The following TBC1D22A variants were observed in gnomAD, a reference collection of about 807,000 sequenced individuals.
TBC1D22A encodes putative GTPase activator.
Under a neutral mutation model 60.2 loss-of-function variants are expected in TBC1D22A, and 38 were observed. The ratio of observed to expected loss-of-function variants is 0.63; its 90% CI spans 0.49 to 0.83. TBC1D22A has a LOEUF of 0.83. Ranked by LOEUF, TBC1D22A falls within the 40% of genes least tolerant of loss-of-function variation. The pLI is 0.00. For missense variants in TBC1D22A, 628 were observed against 701.0 expected (o/e 0.90, Z 1.18); for synonymous variants, 302 against 281.7 (o/e 1.07, Z -0.72).
At chr22:47,131,263 G>C (rs1261194804) in intron 12 of TBC1D22A, among the ~76,000 whole-genome samples, 1 of 152,218 alleles carries the variant, frequency 6.6e-6, no homozygotes, top group African/African-American at 2.4e-5. Flanking sequence ...CTTGTACTCA[G>C]CAAGTGCCAC....
intron 9 of TBC1D22A, among the ~76,000 whole-genome samples, chr22:46,979,466 C>T (rs1368819263): frequency 2.0e-5 from 3 of 152,186 alleles, no homozygotes; most frequent in Non-Finnish European, 4.4e-5. Flanking sequence ...AGAAAGTGTT[C>T]GGTTCAGCTC....
Position 46,874,562 on chromosome 22 carries a change from C to CTTTTTTTTTTT in TBC1D22A, c.638-4071_638-4061dup, listed in dbSNP as rs747481407. 2.5e-4 allele frequency among the ~76,000 whole-genome samples: 10 copies of CTTTTTTTTTTT among 40,784 alleles called. 2 individuals carry two copies. The highest frequency in any genetic ancestry group is 1.0e-3 in the African/African-American group (10 of 9,562). 26.8% of individuals were successfully genotyped at this position (40,784 alleles called of 152,430 possible). A position where few individuals can be genotyped will look rare whatever the true frequency, so the allele number is the denominator to read the frequency against. On this transcript the variant is annotated intron_variant, in intron 4 of 12. Transcript: ENST00000337137. ...TATGTTTGTTTGGCTACAGGTATGT[C>CTTTTTTTTTTT]TTTTTTTTTTTTTTTTTTTTTTTTT...
chr22:47,032,795 C>T (rs1312031915), intron 10 of TBC1D22A, among the ~76,000 whole-genome samples: 1 of 152,240 alleles, frequency 6.6e-6, no homozygotes, highest in Non-Finnish European at 1.5e-5. Context: ...TGCAAGGCGG[C>T]ACCCACTTGC....
intron 12 of TBC1D22A, among the ~76,000 whole-genome samples, chr22:47,141,686 C>G (rs1045536009): frequency 6.6e-6 from 1 of 152,186 alleles, no homozygotes; most frequent in African/African-American, 2.4e-5. Flanking sequence ...TTGAGCCACA[C>G]GCCTGTTTGT....
At chr22:46,781,465 C>G (rs1272199451) in intron 1 of TBC1D22A, among the ~76,000 whole-genome samples, 1 of 152,194 alleles carries the variant, frequency 6.6e-6, no homozygotes, top group African/African-American at 2.4e-5. Flanking sequence ...CCTGAGCCAC[C>G]ACGCCCAACC....
chr22:47,151,228 G>A (rs934037011), intron 12 of TBC1D22A, among the ~76,000 whole-genome samples: 5 of 152,204 alleles, frequency 3.3e-5, no homozygotes, highest in Non-Finnish European at 7.3e-5. Flanking sequence ...GCTGCGTGGT[G>A]TGGGGTTCTG....
In TBC1D22A at chr22:46,787,885, C is replaced by G. The variant is rs2084228940; in HGVS notation, c.63-4635C>G. On this transcript the variant is annotated intron_variant, in intron 1 of 12. Transcript: ENST00000337137. The stretch of plus-strand genomic sequence containing the variant: ...GTTATTCCTTATGTCCTATATGTCA[C>G]TAAGCTGGCTGCAGCCTGCCAGGGG... 2.0e-5 allele frequency among the ~76,000 whole-genome samples: 3 copies of G among 150,152 alleles called. No homozygotes were observed. In the South Asian group the frequency reaches 6.3e-4, roughly 31 times the overall value.
chr22:46,920,599 G>A (rs2070695836), intron 8 of TBC1D22A, among the ~76,000 whole-genome samples: 1 of 152,164 alleles, frequency 6.6e-6, no homozygotes, highest in Admixed American at 6.5e-5. Context: ...TCTGGGGACT[G>A]TGTCGCATGC....
chr22:47,079,112 G>A (rs866501236), intron 11 of TBC1D22A, among the ~76,000 whole-genome samples: 1 of 131,804 alleles, frequency 7.6e-6, no homozygotes, highest in Middle Eastern at 4.1e-3. Context: ...TTTGAGACAA[G>A]GTCTTACTCT....
chr22:47,081,359 A>T (rs966246815), intron 11 of TBC1D22A, among the ~76,000 whole-genome samples: 1 of 152,174 alleles, frequency 6.6e-6, no homozygotes, highest in Non-Finnish European at 1.5e-5. Context: ...GTTGAAAGAC[A>T]CTCATAGAGT....
At chr22:46,783,258 C>T (rs981390291) in intron 1 of TBC1D22A, among the ~76,000 whole-genome samples, 2 of 152,168 alleles carry the variant, frequency 1.3e-5, no homozygotes, top group African/African-American at 2.4e-5. Flanking sequence ...AATGGGCAGA[C>T]TTAGAGTTAT....
chr22:46,909,873 G>A (rs1233493915), intron 7 of TBC1D22A, among the ~76,000 whole-genome samples: 1 of 152,210 alleles, frequency 6.6e-6, no homozygotes, highest in Non-Finnish European at 1.5e-5. Context: ...GGCAGGGCTG[G>A]GGCTGCGCGT....
At chr22:46,869,159 C>T (rs943767337) in intron 4 of TBC1D22A, among the ~76,000 whole-genome samples, 1 of 152,228 alleles carries the variant, frequency 6.6e-6, no homozygotes, top group Non-Finnish European at 1.5e-5. Context: ...TATTCCTTTA[C>T]TGCCCTGTTG....
intron 4 of TBC1D22A, among the ~76,000 whole-genome samples, chr22:46,824,599 C>T (rs1224107212): frequency 2.6e-5 from 4 of 152,096 alleles, no homozygotes; most frequent in South Asian, 2.1e-4. Flanking sequence ...GGGGCTGGCG[C>T]GATTCGACTT....
intron 12 of TBC1D22A, among the ~76,000 whole-genome samples, chr22:47,128,856 C>T (rs957508319): frequency 5.9e-5 from 9 of 152,160 alleles, no homozygotes; most frequent in East Asian, 1.9e-4. Context: ...TCAAGATCCC[C>T]GGCTCTTCAT....
intron 4 of TBC1D22A, among the ~76,000 whole-genome samples, chr22:46,800,403 G>A (rs1001576673): frequency 6.6e-6 from 1 of 151,984 alleles, no homozygotes; most frequent in Non-Finnish European, 1.5e-5. Flanking sequence ...TGTAGTTGAC[G>A]TACCCATCTT....
chr22:47,076,353 A>ATG (rs1288517301), intron 11 of TBC1D22A, among the ~76,000 whole-genome samples: 1,359 of 107,550 alleles, frequency 0.013, 20 homozygotes, highest in African/African-American at 0.04. Flanking sequence ...ATATATATAT[A>ATG]TGTGTGTGTA....
At position 47,037,115 on chromosome 22, in the gene TBC1D22A, C is replaced by T; in HGVS notation, c.1246C>T (p.Gln416Ter). 3 of 1,614,012 alleles carry T rather than the reference C, an allele frequency of 1.9e-6. No homozygotes were observed. The highest frequency in any genetic ancestry group is 2.5e-6 in the Non-Finnish European group (3 of 1,179,906). ...GGACCAACACGAAGTGAGATACCTG[C>T]AGTTTGCCTTCCGCTGGATGAACAA... ...HLDQHEVRYLQFAFRWMNNLL... is the reference protein window; with the variant it reads ...HLDQHEVRYL Residue 416 changes from glutamine (Q) to a stop codon, truncating the protein, a stop_gained, in exon 11 of 13, where the codon CAG becomes TAG. Coordinates refer to ENST00000337137, the MANE Select transcript of TBC1D22A (RefSeq NM_014346.5). LOFTEE classifies it high-confidence loss of function.
At chr22:47,058,536 C>T (rs1823349641) in intron 11 of TBC1D22A, among the ~76,000 whole-genome samples, 1 of 152,076 alleles carries the variant, frequency 6.6e-6, no homozygotes, top group Non-Finnish European at 1.5e-5. Flanking sequence ...GCCTCCCCTC[C>T]CTTGTCTACT....
Sources: allele counts gnomAD v4.1 joint callset (sites outside exome capture counted in the v4.1 genomes callset), GRCh38; gene constraint gnomAD v4.1.1; transcripts MANE v1.5; gene names NCBI Gene and HGNC (gene_info 2026-07-23, HGNC 2026-07-21).